Variants in SLC26A7 observed in about 807,000 individuals in gnomAD.
SLC26A7 encodes anion exchange transporter.
SLC26A7 carries 59 observed loss-of-function variants against 82.5 expected under a neutral mutation model. That is an observed-to-expected ratio of 0.72 (90% CI 0.58 to 0.89). The LOEUF (loss-of-function observed/expected upper bound fraction) is 0.89, where lower values mean the gene tolerates loss of function less well. Ranked by LOEUF, SLC26A7 falls within the 40% of genes least tolerant of loss-of-function variation. The pLI, the probability that SLC26A7 is intolerant of heterozygous loss-of-function variation, is 0.00. For synonymous variants in SLC26A7, 271 were observed against 274.3 expected, an observed-to-expected ratio of 0.99 and a Z score of 0.12; for missense variants, 820 against 793.0, an observed-to-expected ratio of 1.03 and a Z score of -0.41.
intron 16 of SLC26A7, among the ~76,000 whole-genome samples, chr8:91,391,424 A>G (rs1814965573): frequency 6.6e-6 from 1 of 152,232 alleles, no homozygotes; most frequent in African/African-American, 2.4e-5. Context: ...GAGGCCTGAA[A>G]TCTAGTGGCT....
chr8:91,362,068 T>C (rs965919423), intron 11 of SLC26A7, among the ~76,000 whole-genome samples: 4 of 152,072 alleles, frequency 2.6e-5, no homozygotes, highest in African/African-American at 9.7e-5. Flanking sequence ...ATCAACCAAG[T>C]ATTTACAGAT....
At chr8:91,222,562 A>G (rs973967637) in intron 2 of SLC26A7, among the ~76,000 whole-genome samples, 2 of 152,212 alleles carry the variant, frequency 1.3e-5, no homozygotes, top group South Asian at 4.1e-4. Flanking sequence ...AATTTTTAAC[A>G]TGAAGGATAT....
At position 91,249,556 on chromosome 8, in the gene SLC26A7, A is replaced by G. The variant is rs532961273; in HGVS notation, c.-96A>G. The G allele has an allele frequency of 1.7e-4, 172 of 1,007,496 alleles. No individual in the cohort carries two copies. In the African/African-American group the frequency reaches 2.2e-3, roughly 13 times the overall value. The allele number at this position is 1,007,496 out of a possible 1,614,324, so 62.4% of individuals were successfully genotyped here. A position where few individuals can be genotyped will look rare whatever the true frequency, so the allele number is the denominator to read the frequency against. Reference sequence around the variant, plus strand: ...CTGGGCAGCTTTGACATTGTAAACCACAGACGAATTGGAGCTTGGCATTGA... The same window carrying G: ...CTGGGCAGCTTTGACATTGTAAACCGCAGACGAATTGGAGCTTGGCATTGA... On this transcript the variant is annotated 5_prime_UTR_variant, in exon 2 of 19. Transcript: ENST00000276609.
intron 11 of SLC26A7, among the ~76,000 whole-genome samples, chr8:91,359,954 C>A (rs1340240499): frequency 6.6e-6 from 1 of 151,822 alleles, no homozygotes; most frequent in Admixed American, 6.6e-5. Context: ...TGTACATAGT[C>A]ATCACATGGA....
At chr8:91,283,526 A>G (rs1285156036) in intron 2 of SLC26A7, among the ~76,000 whole-genome samples, 3 of 152,096 alleles carry the variant, frequency 2.0e-5, no homozygotes, top group African/African-American at 7.2e-5. Context: ...TGAATCTTTC[A>G]TTTCTTTTCT....
At chr8:91,308,946 T>C (rs1812400334) in intron 4 of SLC26A7, among the ~76,000 whole-genome samples, 2 of 152,136 alleles carry the variant, frequency 1.3e-5, no homozygotes, top group Admixed American at 1.3e-4. Context: ...TATGCCCTGC[T>C]CAGTCCTAGA....
At chr8:91,311,261 A>G (rs1003776064) in intron 4 of SLC26A7, among the ~76,000 whole-genome samples, 1 of 152,166 alleles carries the variant, frequency 6.6e-6, no homozygotes, top group African/African-American at 2.4e-5. Context: ...GCCTGTCTGA[A>G]AAGACTACAT....
chr8:91,301,079 A>C (rs1358325328), intron 4 of SLC26A7, among the ~76,000 whole-genome samples: 1 of 152,226 alleles, frequency 6.6e-6, no homozygotes, highest in African/African-American at 2.4e-5. Context: ...AAATTGCAAG[A>C]ATAAATTCCA....
At chr8:91,290,345 T>G (rs750979345) in intron 3 of SLC26A7, among the ~76,000 whole-genome samples, 23 of 152,194 alleles carry the variant, frequency 1.5e-4, no homozygotes, top group Non-Finnish European at 3.2e-4. Flanking sequence ...GGTATTATTC[T>G]ACAGTTCTGC....
intron 2 of SLC26A7, among the ~76,000 whole-genome samples, chr8:91,238,277 T>G (rs1810418610): frequency 6.6e-6 from 1 of 152,144 alleles, no homozygotes; most frequent in Admixed American, 6.5e-5. Flanking sequence ...AGGCATATCC[T>G]TGGGTGGGAT....
chr8:91,348,852 G>A (rs1012948076), intron 9 of SLC26A7, among the ~76,000 whole-genome samples: 1 of 152,160 alleles, frequency 6.6e-6, no homozygotes, highest in Non-Finnish European at 1.5e-5. Flanking sequence ...TACGAAGAAA[G>A]TAGATGATAT....
intron 15 of SLC26A7, among the ~76,000 whole-genome samples, chr8:91,386,575 T>C (rs1168482427): frequency 2.0e-5 from 3 of 152,190 alleles, no homozygotes; most frequent in Non-Finnish European, 4.4e-5. Flanking sequence ...ATCAAAGCCA[T>C]TGGATTTTTA....
chr8:91,378,263 T>G (rs1484325048), intron 15 of SLC26A7, among the ~76,000 whole-genome samples: 3 of 151,178 alleles, frequency 2.0e-5, no homozygotes, highest in Non-Finnish European at 4.4e-5. Context: ...CTTGTTAGGA[T>G]TATATAAGGT....
At chr8:91,333,232 T>C (rs1813143677) in intron 5 of SLC26A7, among the ~76,000 whole-genome samples, 1 of 152,188 alleles carries the variant, frequency 6.6e-6, no homozygotes, top group African/African-American at 2.4e-5. Context: ...GTTGTTCTTT[T>C]GGTTGACTTT....
chr8:91,274,686 AT>A (rs1378906321), intron 2 of SLC26A7, among the ~76,000 whole-genome samples: 1 of 152,212 alleles, frequency 6.6e-6, no homozygotes, highest in Non-Finnish European at 1.5e-5. Flanking sequence ...AGAAGCAAAC[AT>A]TCAAACCATA....
rs374253013 is a variant in SLC26A7 at position 91,295,491 on chromosome 8, A to G, written c.305-40A>G. ...ACAATTTTTATTGAGCCTTTAAATC[A>G]AATTACTAATAGAAGATTCCCCACA... is the stretch of plus-strand genomic sequence containing the variant. On this transcript the variant is annotated intron_variant, in intron 3 of 18. Transcript: ENST00000276609. 7 of 1,579,136 alleles carry G rather than the reference A, an allele frequency of 4.4e-6. No homozygotes were observed. The African/African-American group carries it at 8.2e-5, about 18-fold the overall frequency.
intron 3 of SLC26A7, among the ~76,000 whole-genome samples, 194 bp from the exon 4 acceptor site, chr8:91,295,337 C>T (rs1432860723): frequency 6.6e-6 from 1 of 152,108 alleles, no homozygotes; most frequent in Non-Finnish European, 1.5e-5. Context: ...AATGAATAAG[C>T]ATATATGGAG....
chr8:91,262,577 C>T (rs1324675903), intron 2 of SLC26A7, among the ~76,000 whole-genome samples: 2 of 151,962 alleles, frequency 1.3e-5, no homozygotes. Context: ...GTGTTGGTGT[C>T]CCCCGTCCTC....
In SLC26A7 at chr8:91,395,121, CTT is replaced by C. The variant is rs758124670; in HGVS notation, c.*25_*26del. 2.2e-5 allele frequency: 36 copies of C among 1,612,796 alleles called. No homozygotes were observed. The African/African-American group carries it at 3.9e-4, about 17-fold the overall frequency. The stretch of plus-strand genomic sequence containing the variant: ...GAGACCCTTTTGTCACAGTACAGCT[CTT>C]GTCTTTACCAACTGCCTGAAGAGGC... On this transcript the variant is annotated 3_prime_UTR_variant, in exon 19 of 19. Coordinates refer to ENST00000276609, the MANE Select transcript of SLC26A7 (RefSeq NM_052832.4).
Sources: gnomAD v4.1 joint callset for allele counts (sites outside exome capture counted in the v4.1 genomes callset) on GRCh38, gnomAD v4.1.1 for gene constraint, MANE v1.5 for transcripts, NCBI Gene and HGNC (gene_info 2026-07-23, HGNC 2026-07-21) for gene names.